TATDN3: variants seen among roughly 807,000 people sequenced by gnomAD.
TATDN3 encodes deoxyribonuclease TATDN3.
Under a neutral mutation model 40.1 loss-of-function variants are expected in TATDN3, and 29 were observed. The ratio of observed to expected loss-of-function variants is 0.72; its 90% confidence interval spans 0.54 to 0.99. The LOEUF (loss-of-function observed/expected upper bound fraction) is 0.99, where lower values mean the gene tolerates loss of function less well. Among genes scored for constraint, TATDN3 ranks in the 50% least tolerant of loss-of-function variants. TATDN3 has a pLI of 0.00. For synonymous variants in TATDN3, 105 were observed against 117.0 expected, an observed-to-expected ratio of 0.90 and a Z score of 0.66; for missense variants, 309 against 321.9, an observed-to-expected ratio of 0.96 and a Z score of 0.31.
intron 8 of TATDN3, 144 bp downstream of exon 8, chr1:212,807,992 T>C (rs1033632622): frequency 3.4e-5 from 19 of 558,824 alleles, no homozygotes; most frequent in Non-Finnish European, 5.2e-5. Flanking sequence ...AAAAATGAAC[T>C]CAGAAATTGA....
At chr1:212,807,451 C>T (rs1662610726) in intron 7 of TATDN3, among the ~76,000 whole-genome samples, 1 of 151,996 alleles carries the variant, frequency 6.6e-6, no homozygotes, top group South Asian at 2.1e-4. Context: ...CGGGGTTTCA[C>T]CATGTTGGCC....
intron 5 of TATDN3, among the ~76,000 whole-genome samples, chr1:212,804,093 A>G (rs1431267448): frequency 6.6e-6 from 1 of 152,114 alleles, no homozygotes; most frequent in African/African-American, 2.4e-5. Context: ...TATTGGCTAC[A>G]TGTTTAAAAT....
chr1:212,801,383 G>C (rs148504912), intron 4 of TATDN3, among the ~76,000 whole-genome samples: 2 of 152,026 alleles, frequency 1.3e-5, no homozygotes, highest in African/African-American at 4.8e-5. Flanking sequence ...TATTAAATAA[G>C]TAATATGAAT....
At chr1:212,813,566 CTTTT>C (rs202183479) in intron 9 of TATDN3, among the ~76,000 whole-genome samples, 2 of 130,946 alleles carry the variant, frequency 1.5e-5, no homozygotes, top group Non-Finnish European at 3.2e-5. Flanking sequence ...TCTTTCTTTT[CTTTT>C]TTTTTTTTTT....
At chr1:212,806,482 C>T (rs922523791) in intron 7 of TATDN3, among the ~76,000 whole-genome samples, 3 of 149,588 alleles carry the variant, frequency 2.0e-5, no homozygotes, top group Non-Finnish European at 4.4e-5. Flanking sequence ...GAGATCCTCC[C>T]ACTTCAGCCC....
chr1:212,810,406 G>C (rs1662798181), intron 8 of TATDN3, among the ~76,000 whole-genome samples: 1 of 151,240 alleles, frequency 6.6e-6, no homozygotes, highest in African/African-American at 2.4e-5. Context: ...CAGCTACTTG[G>C]GAGGCTGAGG....
chr1:212,792,977 AGGG>A (rs950740904), intron 1 of TATDN3: 2 of 152,208 alleles, frequency 1.3e-5, no homozygotes, highest in African/African-American at 4.8e-5. Flanking sequence ...CACCCAAGCA[AGGG>A]GGTGAGTGTA....
At chr1:212,792,111 C>A in intron 1 of TATDN3, 124 bp downstream of exon 1, 2 of 929,338 alleles carry the variant, frequency 2.2e-6, no homozygotes, top group Non-Finnish European at 3.3e-6. Context: ...TTGTTTATGG[C>A]CATATGACCT....
intron 1 of TATDN3, among the ~76,000 whole-genome samples, chr1:212,793,543 T>C (rs942427268): frequency 6.6e-6 from 1 of 152,164 alleles, no homozygotes; most frequent in African/African-American, 2.4e-5. Context: ...TGCTGCTGTA[T>C]GGCAAATGGG....
intron 5 of TATDN3, among the ~76,000 whole-genome samples, chr1:212,803,051 G>T (rs1192929968): frequency 6.6e-6 from 1 of 151,690 alleles, no homozygotes; most frequent in African/African-American, 2.4e-5. Context: ...GCTCTGGTGA[G>T]TTAATATAGT....
rs1663163299 is a variant in TATDN3, at chr1:212,815,966, T to C, written c.*810T>C. The C allele has an allele frequency of 6.6e-6, 1 of 152,230 alleles. No homozygotes were observed. The highest frequency in any genetic ancestry group is 1.5e-5 in the Non-Finnish European group (1 of 68,038). 9.4% of individuals were successfully genotyped at this position (152,230 alleles called of 1,614,324 possible). A position where few individuals can be genotyped will look rare whatever the true frequency, so the allele number is the denominator to read the frequency against. On this transcript the variant is annotated 3_prime_UTR_variant, in exon 10 of 10. Transcript: ENST00000366974. ...TACTTCGAATTATTTCTCTTTAAGA[T>C]AAAAATGCATACGATTTTTACACTG... is the stretch of plus-strand genomic sequence containing the variant.
intron 1 of TATDN3, chr1:212,794,743 C>T: frequency 2.1e-6 from 1 of 479,676 alleles, no homozygotes; most frequent in South Asian, 1.5e-5. Flanking sequence ...CAAGTAGCCA[C>T]CAATGAGAGA....
intron 8 of TATDN3, among the ~76,000 whole-genome samples, chr1:212,810,192 T>C (rs1203824852): frequency 6.6e-6 from 1 of 151,758 alleles, no homozygotes; most frequent in Non-Finnish European, 1.5e-5. Flanking sequence ...GGCGAAACCC[T>C]GTCTCTACAA....
intron 6 of TATDN3, 44 bp downstream of exon 6, chr1:212,804,473 A>G (rs373496681): frequency 2.5e-6 from 4 of 1,575,102 alleles, no homozygotes; most frequent in Non-Finnish European, 3.5e-6. Flanking sequence ...AGAGCAAATT[A>G]AATAATGATC....
chr1:212,804,587 G>A lies in TATDN3; in HGVS notation c.432-9G>A, dbSNP rs551259446. On this transcript the variant is annotated splice_polypyrimidine_tract_variant and intron_variant, in intron 6 of 9. Transcript: ENST00000366974. ...GGTACTTAAAAGAAATGTTGTTATC[G>A]TTAAACAGAAATGTGCACTCACGCT... The A allele has an allele frequency of 4.8e-5, 78 of 1,612,026 alleles. No homozygotes were observed. The South Asian group carries it at 7.1e-4, about 15-fold the overall frequency.
At chr1:212,811,974 T>TA (rs1206909464) in intron 8 of TATDN3, among the ~76,000 whole-genome samples, 13 of 152,234 alleles carry the variant, frequency 8.5e-5, no homozygotes, top group African/African-American at 3.1e-4. Flanking sequence ...GTGCTGGGAT[T>TA]ACAAGCATGA....
chr1:212,813,830 CCT>C (rs1000619424), intron 9 of TATDN3, among the ~76,000 whole-genome samples: 2 of 152,122 alleles, frequency 1.3e-5, no homozygotes, highest in Admixed American at 1.3e-4. Flanking sequence ...CCTGCCTCAG[CCT>C]CCCTAGTAGC....
At chr1:212,803,412 G>A (rs1211099985) in intron 5 of TATDN3, among the ~76,000 whole-genome samples, 1 of 151,928 alleles carries the variant, frequency 6.6e-6, no homozygotes, top group Non-Finnish European at 1.5e-5. Context: ...TTGGACACCT[G>A]GCCTCAAGTA....
At chr1:212,795,183 G>A in intron 2 of TATDN3, 56 bp downstream of exon 2, 2 of 1,349,718 alleles carry the variant, frequency 1.5e-6, no homozygotes, top group South Asian at 1.2e-5. Context: ...ATCATTTCAA[G>A]CCAAAACAGC....
Sources: gnomAD v4.1 joint callset for allele counts (sites outside exome capture counted in the v4.1 genomes callset) on GRCh38, gnomAD v4.1.1 for gene constraint, MANE v1.5 for transcripts, NCBI Gene and HGNC (gene_info 2026-07-23, HGNC 2026-07-21) for gene names.